The following JAM2 variants were observed in gnomAD, a reference collection of about 807,000 sequenced individuals.
JAM2 encodes junctional adhesion molecule B.
Under a neutral mutation model 42.0 loss-of-function variants are expected in JAM2, and 17 were observed. The ratio of observed to expected loss-of-function variants is 0.40; its 90% CI spans 0.28 to 0.61. The LOEUF is 0.61. Among genes scored for constraint, JAM2 ranks in the 20% least tolerant of loss-of-function variants. JAM2 has a pLI of 0.37. For synonymous variants in JAM2, 118 were observed against 128.6 expected, an observed-to-expected ratio of 0.92 and a Z score of 0.56; for missense variants, 319 against 358.3, an observed-to-expected ratio of 0.89 and a Z score of 0.89.
At chr21:25,653,722 G>C (rs1157250067) in intron 1 of JAM2, among the ~76,000 whole-genome samples, 1 of 152,100 alleles carries the variant, frequency 6.6e-6, no homozygotes, top group South Asian at 2.1e-4. Context: ...GGGGATGATG[G>C]GGATTATGGG....
Position 25,702,180 on chromosome 21 carries a change from C to G in JAM2, c.608C>G (p.Thr203Ser). Residue 203 changes from threonine (T) to serine (S), a missense_variant, in exon 6 of 10, where the codon ACT (threonine) becomes AGT (serine). Physicochemically the swap from Thr to Ser is moderately conservative, Grantham distance 58 (BLOSUM62 1). Coordinates refer to ENST00000480456, the MANE Select transcript of JAM2 (RefSeq NM_021219.4). The part of the protein sequence containing the change: ...NTKTGTLQFN[T>S]VSKLDTGEYS... ...TGCATCCACAAATAGCAATTTAATA[C>G]TGTTTCCAAACTGGACACTGGAGAA... 6.4e-7 allele frequency: 1 copy of G among 1,563,678 alleles called. No individual in the cohort carries two copies. Among genetic ancestry groups the G allele is most frequent in the Non-Finnish European group, 8.8e-7 (1 of 1,142,106 alleles).
intron 1 of JAM2, among the ~76,000 whole-genome samples, chr21:25,653,469 T>C (rs1345150178): frequency 6.6e-6 from 1 of 152,018 alleles, no homozygotes; most frequent in Non-Finnish European, 1.5e-5. Context: ...AGAAAAGAGG[T>C]TTAATTGACT....
intron 1 of JAM2, among the ~76,000 whole-genome samples, chr21:25,672,796 T>A (rs955416515): frequency 2.0e-5 from 3 of 152,216 alleles, no homozygotes; most frequent in Non-Finnish European, 4.4e-5. Flanking sequence ...ATGTCTGACA[T>A]CTTTCATATT....
intron 1 of JAM2, among the ~76,000 whole-genome samples, chr21:25,652,397 G>GA (rs975675047): frequency 2.7e-5 from 4 of 147,444 alleles, no homozygotes; most frequent in South Asian, 2.1e-4. Context: ...GTCTCTAAAA[G>GA]AAAAAAAAAG....
chr21:25,643,311 G>T (rs185183926), intron 1 of JAM2, among the ~76,000 whole-genome samples: 2 of 152,170 alleles, frequency 1.3e-5, no homozygotes, highest in Non-Finnish European at 2.9e-5. Context: ...GTGGGGTGTT[G>T]TCATGCCTTT....
At chr21:25,701,612 T>G in intron 5 of JAM2, among the ~76,000 whole-genome samples, 1 of 152,230 alleles carries the variant, frequency 6.6e-6, no homozygotes. Flanking sequence ...GGCTTTTCTT[T>G]TCAAATTTAA....
At chr21:25,664,456 G>A (rs549315734) in intron 1 of JAM2, among the ~76,000 whole-genome samples, 2 of 151,998 alleles carry the variant, frequency 1.3e-5, no homozygotes, top group East Asian at 1.9e-4. Flanking sequence ...GGCTGGTCTC[G>A]ACCTCCTGGC....
intron 6 of JAM2, among the ~76,000 whole-genome samples, chr21:25,703,527 A>AT (rs2123407268): frequency 6.6e-6 from 1 of 152,274 alleles, no homozygotes; most frequent in African/African-American, 2.4e-5. Context: ...TCATAAATTC[A>AT]TTTTTTTGGT....
intron 1 of JAM2, among the ~76,000 whole-genome samples, chr21:25,669,275 G>T (rs913732840): frequency 4.6e-5 from 7 of 152,014 alleles, no homozygotes; most frequent in Non-Finnish European, 1.0e-4. Context: ...GGAAGGCTGA[G>T]GTGGGGGATC....
chr21:25,708,151 A>G (rs71317427), intron 7 of JAM2, among the ~76,000 whole-genome samples: 20,478 of 152,178 alleles, frequency 0.13, 1,835 homozygotes, highest in African/African-American at 0.26. Context: ...CTTGGCCTTT[A>G]AAAATATATT....
Position 25,693,802 on chromosome 21 carries a change from C to A in JAM2, c.288C>A (p.Ile96=), listed in dbSNP as rs1341187083. The A allele has an allele frequency of 6.2e-7, 1 of 1,614,048 alleles. No individual in the cohort carries two copies. Among genetic ancestry groups the A allele is most frequent in the Admixed American group, 1.7e-5 (1 of 60,016 alleles). Reference sequence around the variant, plus strand: ...AGATGATAGATTTCAATATCCGGATCAAAAATGTGACAAGAAGTGATGCGG... The same window carrying A: ...AGATGATAGATTTCAATATCCGGATAAAAAATGTGACAAGAAGTGATGCGG... ...RAEMIDFNIR[I]KNVTRSDAGK... The change falls in exon 4 of 10, where the codon ATC becomes ATA. Residue 96 remains isoleucine, a synonymous_variant. Transcript: ENST00000480456.
At chr21:25,705,740 T>G (rs2034257656) in intron 6 of JAM2, among the ~76,000 whole-genome samples, 1 of 152,260 alleles carries the variant, frequency 6.6e-6, no homozygotes, top group Non-Finnish European at 1.5e-5. Flanking sequence ...ACATTTTATT[T>G]TTTAATCTGA....
At chr21:25,687,583 T>C (rs1485771724) in intron 2 of JAM2, among the ~76,000 whole-genome samples, 1 of 152,208 alleles carries the variant, frequency 6.6e-6, no homozygotes, top group African/African-American at 2.4e-5. Flanking sequence ...TTTTATTCTC[T>C]GCATTTGTTT....
intron 1 of JAM2, among the ~76,000 whole-genome samples, chr21:25,652,287 G>A (rs1432890847): frequency 6.6e-6 from 1 of 152,186 alleles, no homozygotes; most frequent in Non-Finnish European, 1.5e-5. Context: ...AGCTACTCAC[G>A]AGGCTGAGGT....
intron 1 of JAM2, among the ~76,000 whole-genome samples, chr21:25,644,712 A>G (rs750737560): frequency 6.6e-6 from 1 of 152,176 alleles, no homozygotes; most frequent in South Asian, 2.1e-4. Flanking sequence ...TTGTGGGGCT[A>G]TTATTCTGTT....
chr21:25,661,195 G>A (rs1392317381), intron 1 of JAM2, among the ~76,000 whole-genome samples: 1 of 152,116 alleles, frequency 6.6e-6, no homozygotes, highest in Non-Finnish European at 1.5e-5. Context: ...GCTAATGCCT[G>A]TAATACCAGC....
intron 1 of JAM2, among the ~76,000 whole-genome samples, chr21:25,683,001 G>A (rs1236803977): frequency 6.6e-6 from 1 of 152,028 alleles, no homozygotes; most frequent in East Asian, 1.9e-4. Context: ...TAGAACCTGG[G>A]ATTTGGGGTT....
At chr21:25,654,647 C>CCA (rs2032878199) in intron 1 of JAM2, among the ~76,000 whole-genome samples, 1 of 91,614 alleles carries the variant, frequency 1.1e-5, no homozygotes, top group Non-Finnish European at 2.2e-5. Flanking sequence ...GACTTTCTCT[C>CCA]AAAAAAAAAA....
chr21:25,702,093 T>G, intron 5 of JAM2, 77 bp from the exon 6 acceptor site: 1 of 678,710 alleles, frequency 1.5e-6, no homozygotes, highest in Non-Finnish European at 2.3e-6. Context: ...ATGCTAAAAT[T>G]TGAGGGACAG....
Sources: allele counts gnomAD v4.1 joint callset (sites outside exome capture counted in the v4.1 genomes callset), GRCh38; gene constraint gnomAD v4.1.1; transcripts MANE v1.5; gene names NCBI Gene and HGNC (gene_info 2026-07-23, HGNC 2026-07-21).